The following LRGUK variants were observed in gnomAD, a reference collection of about 807,000 sequenced individuals.
LRGUK encodes the protein leucine rich repeats and guanylate kinase domain containing, also known as leucine-rich repeat and guanylate kinase domain-containing protein.
LRGUK carries 65 observed loss-of-function variants against 76.0 expected under a neutral mutation model. The observed-to-expected ratio is 0.85, with a 90% CI of 0.70 to 1.05. LRGUK has a LOEUF of 1.05. Ranked by LOEUF, LRGUK falls within the 50% of genes least tolerant of loss-of-function variation. The probability of loss-of-function intolerance (pLI) is 0.00; values close to 1 mark genes in which losing one functional copy is unlikely to be tolerated. For synonymous variants in LRGUK, 268 were observed against 265.6 expected, an observed-to-expected ratio of 1.01 and a Z score of -0.09; for missense variants, 758 against 732.8, an observed-to-expected ratio of 1.03 and a Z score of -0.40.
intron 18 of LRGUK, among the ~76,000 whole-genome samples, chr7:134,253,455 G>C (rs1009988898): frequency 2.6e-5 from 4 of 152,186 alleles, no homozygotes; most frequent in Non-Finnish European, 5.9e-5. Flanking sequence ...TAGGGGGAGT[G>C]TTATAAAGTG....
intron 7 of LRGUK, 21 bp downstream of exon 7, chr7:134,163,561 T>C: frequency 1.3e-6 from 2 of 1,591,938 alleles, no homozygotes; most frequent in South Asian, 1.1e-5. Flanking sequence ...ACTTCACATG[T>C]CTTGGTTTCA....
At chr7:134,144,237 C>G (rs1797882579) in intron 4 of LRGUK, among the ~76,000 whole-genome samples, 1 of 152,186 alleles carries the variant, frequency 6.6e-6, no homozygotes, top group African/African-American at 2.4e-5. Flanking sequence ...CTCCTGGGCT[C>G]AAGTGGTCCT....
At chr7:134,249,198 T>A in intron 18 of LRGUK, 122 bp downstream of exon 18, 2 of 1,140,814 alleles carry the variant, frequency 1.8e-6, no homozygotes, top group Non-Finnish European at 2.4e-6. Context: ...TAACTCCCGC[T>A]GTAGAATTTG....
intron 4 of LRGUK, among the ~76,000 whole-genome samples, chr7:134,146,794 T>G (rs1235061817): frequency 6.6e-6 from 1 of 152,144 alleles, no homozygotes; most frequent in Non-Finnish European, 1.5e-5. Context: ...TCTCCATAAA[T>G]TTGGGGGGTG....
chr7:134,161,727 G>A (rs1443670347), intron 6 of LRGUK, among the ~76,000 whole-genome samples: 2 of 123,952 alleles, frequency 1.6e-5, no homozygotes, highest in Admixed American at 1.0e-4. Context: ...GTCTCGCTCT[G>A]TTGCCCAGGC....
chr7:134,155,558 G>A (rs937152321), intron 5 of LRGUK, among the ~76,000 whole-genome samples: 32 of 152,122 alleles, frequency 2.1e-4, no homozygotes, highest in Non-Finnish European at 3.5e-4. Context: ...TTTCTCTGGC[G>A]TAGGTATTTT....
chr7:134,152,277 A>C (rs1184493906), intron 5 of LRGUK, among the ~76,000 whole-genome samples: 1 of 152,066 alleles, frequency 6.6e-6, no homozygotes, highest in African/African-American at 2.4e-5. Flanking sequence ...AAGAAACACC[A>C]TTTATAAAAA....
downstream of LRGUK, among the ~76,000 whole-genome samples, chr7:134,268,202 A>G (rs946179492): frequency 2.2e-5 from 3 of 133,560 alleles, no homozygotes; most frequent in Admixed American, 8.3e-5. Flanking sequence ...TTGAAAACAT[A>G]ATAAAATGGA....
chr7:134,202,573 A>C lies in LRGUK; in HGVS notation c.1843+997A>C, dbSNP rs146882241. Reference sequence around the variant, plus strand: ...TAGCAGCACTATTCACAATAGCCAAAAGGTGGAAGGAACCCATAAAATAGA... The same window carrying C: ...TAGCAGCACTATTCACAATAGCCAACAGGTGGAAGGAACCCATAAAATAGA... On this transcript the variant is annotated intron_variant, in intron 15 of 15. Coordinates refer to ENST00000645682, the Ensembl canonical transcript of LRGUK. 7.5e-4 allele frequency among the ~76,000 whole-genome samples: 115 copies of C among 152,332 alleles called. No homozygotes were observed. In the Middle Eastern group the frequency reaches 0.014, roughly 18 times the overall value.
intron 16 of LRGUK, among the ~76,000 whole-genome samples, chr7:134,223,876 C>A (rs998973445): frequency 6.6e-6 from 1 of 152,186 alleles, no homozygotes; most frequent in Non-Finnish European, 1.5e-5. Flanking sequence ...CTCACCTCAG[C>A]CTCCCAAAGT....
intron 16 of LRGUK, among the ~76,000 whole-genome samples, chr7:134,242,709 C>T (rs184470503): frequency 6.6e-5 from 10 of 152,162 alleles, no homozygotes; most frequent in African/African-American, 2.2e-4. Context: ...TTTATGAAGC[C>T]AACATCATCC....
chr7:134,143,015 T>G, intron 3 of LRGUK, 47 bp from the exon 4 acceptor site: 1 of 1,019,210 alleles, frequency 9.8e-7, no homozygotes, highest in Non-Finnish European at 1.5e-6. Flanking sequence ...GCCTTTGTCT[T>G]GTTATTTTAT....
intron 10 of LRGUK, among the ~76,000 whole-genome samples, chr7:134,180,241 C>A (rs141106576): frequency 8.3e-4 from 126 of 152,148 alleles, no homozygotes; most frequent in African/African-American, 2.9e-3. Context: ...TATTTAGAGG[C>A]CTTTTAGTGG....
intron 19 of LRGUK, among the ~76,000 whole-genome samples, chr7:134,260,523 C>T (rs935703519): frequency 2.0e-5 from 3 of 152,224 alleles, no homozygotes; most frequent in Non-Finnish European, 4.4e-5. Context: ...GGCGTGTGTT[C>T]TAAGCCTAGG....
chr7:134,190,950 G>GTTC (rs1800215294), intron 11 of LRGUK, among the ~76,000 whole-genome samples: 2 of 41,062 alleles, frequency 4.9e-5, no homozygotes, highest in Non-Finnish European at 6.1e-5. Flanking sequence ...GAGCGGTGTG[G>GTTC]TGGGATGGGG....
rs1802334463 is a variant in LRGUK, at chr7:134,247,537, A to G, written c.1984-19A>G. ...ATTTTTAACATCAATGCAATTTTCT[A>G]ATGACATTTCTTACCTAGGAAAGAG... On this transcript the variant is annotated intron_variant, in intron 16 of 19. Transcript: ENST00000285928. The G allele has an allele frequency of 1.9e-6, 3 of 1,575,240 alleles. No homozygotes were observed. Among genetic ancestry groups the G allele is most frequent in the East Asian group, 4.5e-5 (2 of 44,530 alleles).
intron 15 of LRGUK, among the ~76,000 whole-genome samples, chr7:134,215,725 T>C (rs560700526): frequency 1.3e-5 from 2 of 152,294 alleles, no homozygotes; most frequent in South Asian, 2.1e-4. Flanking sequence ...CTTCAGATAA[T>C]TGCACTATTT....
At chr7:134,246,306 T>C (rs1802300460) in intron 16 of LRGUK, among the ~76,000 whole-genome samples, 1 of 152,216 alleles carries the variant, frequency 6.6e-6, no homozygotes, top group Non-Finnish European at 1.5e-5. Context: ...GTGCAGGGGA[T>C]ACAGCAGTGA....
At chr7:134,186,744 A>G (rs1279426810) in intron 11 of LRGUK, among the ~76,000 whole-genome samples, 1 of 152,166 alleles carries the variant, frequency 6.6e-6, no homozygotes, top group Non-Finnish European at 1.5e-5. Context: ...GCCTTAATGA[A>G]ATTTGTAATC....
Sources: gnomAD v4.1 joint callset for allele counts (sites outside exome capture counted in the v4.1 genomes callset) on GRCh38, gnomAD v4.1.1 for gene constraint, MANE v1.5 for transcripts, NCBI Gene and HGNC (gene_info 2026-07-23, HGNC 2026-07-21) for gene names.